The following FARS2 variants were observed in gnomAD, a reference collection of about 807,000 sequenced individuals.
The protein encoded by FARS2 is phenylalanyl-tRNA synthetase 2, mitochondrial.
FARS2 carries 40 observed loss-of-function variants against 46.4 expected under a neutral mutation model. The observed-to-expected ratio is 0.86, with a 90% CI of 0.67 to 1.12. The LOEUF (loss-of-function observed/expected upper bound fraction) is 1.12, where lower values mean the gene tolerates loss of function less well. FARS2 is among the 50% of genes most tolerant of loss of function. The pLI, the probability that FARS2 is intolerant of heterozygous loss-of-function variation, is 0.00. For synonymous variants in FARS2, 234 were observed against 214.9 expected, an observed-to-expected ratio of 1.09 and a Z score of -0.78; for missense variants, 513 against 567.9, an observed-to-expected ratio of 0.90 and a Z score of 0.98.
At chr6:5,405,644 C>G (rs897578340) in intron 3 of FARS2, among the ~76,000 whole-genome samples, 1 of 151,928 alleles carries the variant, frequency 6.6e-6, no homozygotes, top group East Asian at 1.9e-4. Flanking sequence ...AGGCGCCCAC[C>G]ACCACGCCTG....
rs571571254 is a variant in FARS2 at position 5,462,434 on chromosome 6, TG to T, written c.904+31263del. Among the ~76,000 whole-genome samples the T allele has an allele frequency of 7.3e-4, 111 of 152,302 alleles. 1 individual carries two copies. The highest frequency in any genetic ancestry group is 2.6e-3 in the African/African-American group (109 of 41,568). On this transcript the variant is annotated intron_variant, in intron 4 of 6. Transcript: ENST00000274680. ...CATTTTTTTAATGGATTATGATTTT[TG>T]TGTTGTACCTAAGAACTATTTGACT...
chr6:5,347,680 T>G (rs1757324839), intron 1 of FARS2, among the ~76,000 whole-genome samples: 1 of 152,206 alleles, frequency 6.6e-6, no homozygotes, highest in African/African-American at 2.4e-5. Context: ...GGATTAGAAT[T>G]GAATCATGCG....
At chr6:5,695,785 T>C (rs1758065661) in intron 6 of FARS2, among the ~76,000 whole-genome samples, 1 of 152,206 alleles carries the variant, frequency 6.6e-6, no homozygotes, top group South Asian at 2.1e-4. Context: ...CACGTAAACA[T>C]TTAAGGCTTC....
rs144209417 is a variant in FARS2, at chr6:5,538,878, A to G, written c.905-6302A>G. Reference sequence around the variant, plus strand: ...GATTGTCACAGGCAAACTTTTTATTAGGATGATTATGCGAATGAAAGGTTG... The same window carrying G: ...GATTGTCACAGGCAAACTTTTTATTGGGATGATTATGCGAATGAAAGGTTG... On this transcript the variant is annotated intron_variant, in intron 4 of 6. Coordinates refer to ENST00000274680, the MANE Select transcript of FARS2 (RefSeq NM_006567.5). Among the ~76,000 whole-genome samples, 189 of 152,344 alleles carry G rather than the reference A, an allele frequency of 1.2e-3. 1 individual carries two copies. The highest frequency in any genetic ancestry group is 4.2e-3 in the African/African-American group (174 of 41,584).
At chr6:5,348,584 A>T (rs797142) in intron 1 of FARS2, among the ~76,000 whole-genome samples, 11 of 129,334 alleles carry the variant, frequency 8.5e-5, no homozygotes, top group Non-Finnish European at 1.7e-4. Flanking sequence ...GGTTCTTGTT[A>T]TGTAGTAAGG....
At chr6:5,609,706 C>T in intron 5 of FARS2, 1 of 1,428,014 alleles carries the variant, frequency 7.0e-7, no homozygotes, top group South Asian at 1.1e-5. Context: ...GAATGACAGT[C>T]TTATCCACGG....
intron 6 of FARS2, among the ~76,000 whole-genome samples, chr6:5,647,541 A>G (rs1777139790): frequency 6.6e-6 from 1 of 152,224 alleles, no homozygotes; most frequent in Non-Finnish European, 1.5e-5. Context: ...AGTTTTGACA[A>G]CTGATTGATC....
At chr6:5,607,411 A>G (rs1774907058) in intron 5 of FARS2, among the ~76,000 whole-genome samples, 2 of 152,088 alleles carry the variant, frequency 1.3e-5, no homozygotes, top group African/African-American at 2.4e-5. Context: ...AAGCAATCCA[A>G]TAGGCACAGA....
At chr6:5,291,088 T>C (rs1767470755) in intron 1 of FARS2, 1 of 152,234 alleles carries the variant, frequency 6.6e-6, no homozygotes, top group Non-Finnish European at 1.5e-5. Context: ...TATAAGAATC[T>C]ACCTGTATTT....
chr6:5,455,217 A>G (rs1030715790), intron 4 of FARS2, among the ~76,000 whole-genome samples: 1 of 152,230 alleles, frequency 6.6e-6, no homozygotes, highest in Non-Finnish European at 1.5e-5. Context: ...GTTACCAAGC[A>G]GCTTTTTGAT....
At chr6:5,260,617 C>A (rs1765012849), upstream of FARS2, 1 of 1,491,602 alleles carries the variant, frequency 6.7e-7, no homozygotes, top group Non-Finnish European at 8.9e-7. Context: ...CCTGGCCCCC[C>A]GCCCCCGGCC....
At chr6:5,742,468 C>T (rs1463267659) in intron 6 of FARS2, among the ~76,000 whole-genome samples, 1 of 152,076 alleles carries the variant, frequency 6.6e-6, no homozygotes, top group Non-Finnish European at 1.5e-5. Flanking sequence ...GTATTTTTTT[C>T]CCCATTATAT....
chr6:5,653,991 G>T (rs1439246847), intron 6 of FARS2, among the ~76,000 whole-genome samples: 1 of 152,150 alleles, frequency 6.6e-6, no homozygotes, highest in Non-Finnish European at 1.5e-5. Context: ...AGTTTGGCTG[G>T]CATGGGTGCT....
intron 4 of FARS2, among the ~76,000 whole-genome samples, chr6:5,499,146 A>G (rs111769956): frequency 2.0e-3 from 310 of 152,290 alleles, no homozygotes; most frequent in Non-Finnish European, 3.4e-3. Context: ...TGTTAAAAGA[A>G]TCTTGGGCGA....
chr6:5,375,238 A>G (rs970910377), intron 2 of FARS2, among the ~76,000 whole-genome samples: 1 of 152,214 alleles, frequency 6.6e-6, no homozygotes, highest in East Asian at 1.9e-4. Flanking sequence ...GGATTCAGGG[A>G]CAATATAGAA....
At chr6:5,261,327 C>T, upstream of FARS2, 1 of 152,932 alleles carries the variant, frequency 6.5e-6, no homozygotes, top group Non-Finnish European at 1.5e-5. Flanking sequence ...TCGCCCTCGG[C>T]GCTGCCTGAG....
chr6:5,546,128 CA>C (rs200442092), intron 5 of FARS2, among the ~76,000 whole-genome samples: 2 of 146,598 alleles, frequency 1.4e-5, no homozygotes, highest in Non-Finnish European at 3.0e-5. Flanking sequence ...AACTCTGTCT[CA>C]AAAAAAAAGA....
intron 6 of FARS2, among the ~76,000 whole-genome samples, chr6:5,648,592 C>G (rs1260573694): frequency 6.6e-6 from 1 of 152,166 alleles, no homozygotes; most frequent in Admixed American, 6.5e-5. Flanking sequence ...TTTCATGAGC[C>G]TCAGAGCTCC....
intron 4 of FARS2, chr6:5,452,755 T>G (rs543351069): frequency 6.6e-6 from 1 of 152,144 alleles, no homozygotes; most frequent in Non-Finnish European, 1.5e-5. Flanking sequence ...TGGAGCATCA[T>G]ACCTGGAAGA....
Sources: allele counts gnomAD v4.1 joint callset (sites outside exome capture counted in the v4.1 genomes callset), GRCh38; gene constraint gnomAD v4.1.1; transcripts MANE v1.5; gene names NCBI Gene and HGNC (gene_info 2026-07-23, HGNC 2026-07-21).